SYT14: variants seen among roughly 807,000 people sequenced by gnomAD.
The protein encoded by SYT14 is synaptotagmin-14.
SYT14 carries 32 observed loss-of-function variants against 74.2 expected under a neutral mutation model. The observed-to-expected ratio is 0.43, with a 90% CI of 0.33 to 0.58. The LOEUF (loss-of-function observed/expected upper bound fraction) is 0.58, where lower values mean the gene tolerates loss of function less well. SYT14 is among the 20% of genes least tolerant of loss of function. The pLI is 0.05. For synonymous variants in SYT14, 298 were observed against 337.7 expected, an observed-to-expected ratio of 0.88 and a Z score of 1.29; for missense variants, 791 against 981.8, an observed-to-expected ratio of 0.81 and a Z score of 2.60.
At chr1:210,075,579 TGCCTC>T (rs2081483678) in intron 5 of SYT14, among the ~76,000 whole-genome samples, 1 of 121,194 alleles carries the variant, frequency 8.3e-6, no homozygotes, top group Admixed American at 7.7e-5. Flanking sequence ...GTGATCCGCC[TGCCTC>T]GGCCTCCCAA....
At chr1:209,974,114 C>G (rs1435037350) in intron 2 of SYT14, among the ~76,000 whole-genome samples, 1 of 151,926 alleles carries the variant, frequency 6.6e-6, no homozygotes, top group Non-Finnish European at 1.5e-5. Flanking sequence ...GATATTAGCC[C>G]TTTGTCAGAT....
exon 10 of SYT14, chr1:210,163,409 G>A (rs1450016845): frequency 4.4e-6 from 2 of 453,624 alleles, no homozygotes; most frequent in East Asian, 1.4e-4. Flanking sequence ...CACCCCAGCT[G>A]CCAAGTCCTC....
intron 5 of SYT14, among the ~76,000 whole-genome samples, chr1:210,047,313 A>C (rs1171660828): frequency 6.6e-6 from 1 of 152,166 alleles, no homozygotes; most frequent in Non-Finnish European, 1.5e-5. Flanking sequence ...AAATAAAAAA[A>C]TTATGTGGAT....
intron 7 of SYT14, among the ~76,000 whole-genome samples, chr1:210,133,475 T>C (rs941720851): frequency 6.6e-6 from 1 of 152,218 alleles, no homozygotes; most frequent in Non-Finnish European, 1.5e-5. Context: ...GTTTATTTCA[T>C]TTGATAGCAG....
At chr1:210,169,009 T>A (rs1462101758) in exon 10 of SYT14, 5 of 152,158 alleles carry the variant, frequency 3.3e-5, no homozygotes, top group Admixed American at 2.0e-4. Context: ...GAGATCATTA[T>A]GTCATATTCT....
intron 4 of SYT14, chr1:210,017,181 C>A: frequency 9.9e-7 from 1 of 1,012,282 alleles, no homozygotes; most frequent in Non-Finnish European, 1.3e-6. Context: ...CCAAATTTCT[C>A]AGCTTTCCTG....
chr1:209,954,954 C>T (rs1290282425), intron 2 of SYT14, among the ~76,000 whole-genome samples: 1 of 152,126 alleles, frequency 6.6e-6, no homozygotes, highest in African/African-American at 2.4e-5. Context: ...GATATGTCCA[C>T]CTCGGCCTCC....
intron 5 of SYT14, among the ~76,000 whole-genome samples, chr1:210,044,470 T>C (rs908988943): frequency 6.6e-6 from 1 of 152,232 alleles, no homozygotes; most frequent in African/African-American, 2.4e-5. Context: ...GGAAAGCTTA[T>C]TCGAAACAGT....
chr1:210,130,567 C>T (rs1350981257), intron 7 of SYT14, among the ~76,000 whole-genome samples: 2 of 152,170 alleles, frequency 1.3e-5, no homozygotes, highest in Admixed American at 1.3e-4. Context: ...TGCCAAGTGG[C>T]CCATTAATTA....
chr1:210,045,724 A>G (rs1333964988), intron 5 of SYT14, among the ~76,000 whole-genome samples: 1 of 152,216 alleles, frequency 6.6e-6, no homozygotes, highest in Non-Finnish European at 1.5e-5. Flanking sequence ...GTATAAAACC[A>G]AATGAAATAT....
At chr1:210,144,762 C>A (rs2082995246) in intron 7 of SYT14, among the ~76,000 whole-genome samples, 1 of 151,958 alleles carries the variant, frequency 6.6e-6, no homozygotes. Flanking sequence ...AGATTCAAAT[C>A]ATCTCATTTA....
At chr1:210,079,097 C>T (rs899363283) in intron 5 of SYT14, among the ~76,000 whole-genome samples, 53 of 152,020 alleles carry the variant, frequency 3.5e-4, no homozygotes, top group African/African-American at 1.2e-3. Context: ...ATTTTTTAAT[C>T]ATTGTTTTTT....
chr1:210,080,723 T>C (rs2081600917), intron 5 of SYT14, among the ~76,000 whole-genome samples: 1 of 152,160 alleles, frequency 6.6e-6, no homozygotes, highest in African/African-American at 2.4e-5. Flanking sequence ...TAAACAGAGA[T>C]AGAAAAGTTA....
At chr1:210,033,477 T>C (rs1279230979) in intron 5 of SYT14, among the ~76,000 whole-genome samples, 1 of 151,832 alleles carries the variant, frequency 6.6e-6, no homozygotes, top group African/African-American at 2.4e-5. Flanking sequence ...ATAAATTACA[T>C]TGAAATCTTT....
At chr1:210,012,065 A>G (rs1046751022) in intron 2 of SYT14, among the ~76,000 whole-genome samples, 2 of 152,218 alleles carry the variant, frequency 1.3e-5, no homozygotes, top group Non-Finnish European at 2.9e-5. Flanking sequence ...GTAGCTTATC[A>G]TAAAAGAATT....
At chr1:209,964,886 A>C (rs916832483) in intron 2 of SYT14, among the ~76,000 whole-genome samples, 2 of 152,202 alleles carry the variant, frequency 1.3e-5, no homozygotes, top group Non-Finnish European at 2.9e-5. Context: ...CAAACAGTCT[A>C]GGCACAATAA....
rs1553289503 is a variant in SYT14 at position 210,151,505 on chromosome 1, C to CCCG, written c.2035-4214_2035-4213insGCC. 3.2e-4 allele frequency among the ~76,000 whole-genome samples: 4 copies of CCCG among 12,532 alleles called. No individual in the cohort carries two copies. The South Asian group carries it at 0.014, about 45-fold the overall frequency. The allele number at this position is 12,532 out of a possible 152,430, so 8.2% of individuals were successfully genotyped here. A position where few individuals can be genotyped will look rare whatever the true frequency, so the allele number is the denominator to read the frequency against. On this transcript the variant is annotated intron_variant, in intron 7 of 9. Transcript: ENST00000637265. ...AAGTAGCTGAAATTATAGGCGAATG[C>CCCG]CCCCCCCCTTTTTTTTTTTTTTAAC...
At position 209,998,090 on chromosome 1, in the gene SYT14, GA is replaced by G. The variant is rs149889420; in HGVS notation, c.-485-15537del. 1.1e-3 allele frequency among the ~76,000 whole-genome samples: 161 copies of G among 151,960 alleles called. No individual in the cohort carries two copies. In the East Asian group the frequency reaches 0.025, roughly 23 times the overall value. On this transcript the variant is annotated intron_variant, in intron 2 of 9. Coordinates refer to ENST00000637265, the Ensembl canonical transcript of SYT14. ...ACAGAGTTTTCATATTTGTACACAG[GA>G]AAAAAGTATTAATCATTTTTATTTC... is the stretch of plus-strand genomic sequence containing the variant.
chr1:210,128,239 T>C (rs961355142), intron 7 of SYT14, among the ~76,000 whole-genome samples: 2 of 152,074 alleles, frequency 1.3e-5, no homozygotes, highest in African/African-American at 4.8e-5. Context: ...TAGTTGGGCA[T>C]GGTGACACAT....
Sources: gnomAD v4.1 joint callset for allele counts (sites outside exome capture counted in the v4.1 genomes callset) on GRCh38, gnomAD v4.1.1 for gene constraint, MANE v1.5 for transcripts, NCBI Gene and HGNC (gene_info 2026-07-23, HGNC 2026-07-21) for gene names.